The following UBE3D variants were observed in gnomAD, a reference collection of about 807,000 sequenced individuals.
UBE3D encodes ubiquitin protein ligase E3D, also known as E3 ubiquitin-protein ligase E3D.
In UBE3D, 48 loss-of-function variants were observed where a neutral mutation model predicts 49.6. That is an observed-to-expected ratio of 0.97 (90% CI 0.77 to 1.23). The LOEUF is 1.23. Ranked by LOEUF, UBE3D falls within the 50% of genes most tolerant of loss-of-function variation. UBE3D has a pLI of 0.00. For missense variants in UBE3D, 452 were observed against 468.4 expected, an observed-to-expected ratio of 0.96 and a Z score of 0.32; for synonymous variants, 189 against 174.2, an observed-to-expected ratio of 1.08 and a Z score of -0.67.
intron 4 of UBE3D, among the ~76,000 whole-genome samples, chr6:83,039,221 G>A (rs917472721): frequency 5.9e-5 from 9 of 152,224 alleles, no homozygotes; most frequent in African/African-American, 2.2e-4. Flanking sequence ...CAAGGCAGAA[G>A]CCATATACAG....
chr6:83,025,882 T>TAAAAAAAAAAA (rs70987730), intron 5 of UBE3D, among the ~76,000 whole-genome samples: 1 of 90,338 alleles, frequency 1.1e-5, no homozygotes, highest in East Asian at 3.2e-4. Context: ...GACTCCATCT[T>TAAAAAAAAAAA]AAAAAAAAAA....
chr6:83,063,137 G>A, intron 1 of UBE3D: 2 of 271,888 alleles, frequency 7.4e-6, no homozygotes, highest in South Asian at 3.1e-5. Flanking sequence ...ACGAGGCAGG[G>A]CATGGTGGCT....
chr6:82,947,102 G>C (rs1775461933), intron 9 of UBE3D, among the ~76,000 whole-genome samples: 1 of 151,614 alleles, frequency 6.6e-6, no homozygotes, highest in Admixed American at 6.6e-5. Flanking sequence ...TAAAAAGATG[G>C]AAAAATATAT....
intron 1 of UBE3D, among the ~76,000 whole-genome samples, chr6:83,062,554 A>G (rs2127861112): frequency 2.6e-5 from 4 of 152,352 alleles, no homozygotes; most frequent in South Asian, 2.1e-4. Context: ...CATAGCAGTT[A>G]GGAACAAGAA....
At chr6:83,049,018 T>G (rs1333270757) in intron 3 of UBE3D, among the ~76,000 whole-genome samples, 2 of 152,160 alleles carry the variant, frequency 1.3e-5, no homozygotes, top group African/African-American at 2.4e-5. Context: ...TAAATTAAAA[T>G]TTCCTAGTTA....
rs750596036 is a variant in UBE3D at position 82,892,993 on chromosome 6, C to T, written c.*29G>A. On this transcript the variant is annotated 3_prime_UTR_variant, in exon 10 of 10. Transcript: ENST00000369747. The stretch of plus-strand genomic sequence containing the variant: ...GTGCTCCTGCTTGAGAGCTGTCTGC[C>T]GGGGGAGGAGAATGCCCAGCTCTAA... 1.1e-5 allele frequency: 18 copies of T among 1,613,306 alleles called. No homozygotes were observed. The highest frequency in any genetic ancestry group is 1.6e-4 in the Middle Eastern group (1 of 6,082).
chr6:83,038,027 T>C (rs1782388171), intron 5 of UBE3D: 1 of 150,846 alleles, frequency 6.6e-6, no homozygotes. Flanking sequence ...AAGCTCTGTT[T>C]CGTGAGTTAC....
At chr6:82,901,738 C>T (rs1388484111) in intron 9 of UBE3D, among the ~76,000 whole-genome samples, 2 of 152,152 alleles carry the variant, frequency 1.3e-5, no homozygotes, top group Non-Finnish European at 2.9e-5. Context: ...TTTCAAAAAA[C>T]ATCTGTTTCC....
chr6:82,911,223 A>AAAAAC (rs1772496649), intron 9 of UBE3D, among the ~76,000 whole-genome samples: 3 of 149,358 alleles, frequency 2.0e-5, no homozygotes, highest in African/African-American at 2.5e-5. Context: ...AAAAAAAAAA[A>AAAAAC]CTCAGGGGGG....
chr6:82,892,883 A>T lies in UBE3D; in HGVS notation c.*139T>A. 3 of 1,019,440 alleles carry T rather than the reference A, an allele frequency of 2.9e-6. No homozygotes were observed. Among genetic ancestry groups the T allele is most frequent in the Non-Finnish European group, 4.6e-6 (3 of 654,428 alleles). 63.1% of individuals were successfully genotyped at this position (1,019,440 alleles called of 1,614,324 possible). Reference sequence around the variant, plus strand: ...AGAATACATGCAAACAAGTAAACTTAAAACTTCAATGCAATGCTCTTATCC... The same window carrying T: ...AGAATACATGCAAACAAGTAAACTTTAAACTTCAATGCAATGCTCTTATCC... On this transcript the variant is annotated 3_prime_UTR_variant, in exon 10 of 10. Coordinates refer to ENST00000369747, the MANE Select transcript of UBE3D (RefSeq NM_198920.3).
intron 5 of UBE3D, among the ~76,000 whole-genome samples, chr6:83,033,504 A>C (rs1782027088): frequency 6.6e-6 from 1 of 152,060 alleles, no homozygotes; most frequent in Non-Finnish European, 1.5e-5. Flanking sequence ...TGGGTCCTTC[A>C]TGAATGGTTT....
At chr6:82,974,096 CA>C (rs1161701296) in intron 8 of UBE3D, among the ~76,000 whole-genome samples, 1 of 152,116 alleles carries the variant, frequency 6.6e-6, no homozygotes, top group Non-Finnish European at 1.5e-5. Context: ...TAGGTTGATG[CA>C]AAAGTAATTG....
intron 3 of UBE3D, among the ~76,000 whole-genome samples, chr6:83,047,163 T>C (rs1783115524): frequency 1.3e-5 from 2 of 152,196 alleles, no homozygotes; most frequent in South Asian, 4.1e-4. Context: ...CCTTTTCCCT[T>C]GCTGCTTGAG....
the UBE3D span, among the ~76,000 whole-genome samples, chr6:82,881,437 G>T: frequency 1.3e-5 from 2 of 152,178 alleles, no homozygotes; most frequent in African/African-American, 2.4e-5. Context: ...GCTGTACCTT[G>T]ATTCCAAGGG....
chr6:82,911,213 A>AAAAAC (rs1772490252), intron 9 of UBE3D, among the ~76,000 whole-genome samples: 1 of 150,144 alleles, frequency 6.7e-6, no homozygotes, highest in Non-Finnish European at 1.5e-5. Context: ...AAAAAAAAAA[A>AAAAAC]AAAAAAAAAA....
At chr6:82,947,528 T>C (rs1389807152) in intron 9 of UBE3D, among the ~76,000 whole-genome samples, 1 of 151,960 alleles carries the variant, frequency 6.6e-6, no homozygotes, top group Non-Finnish European at 1.5e-5. Flanking sequence ...TCTTTTCTTT[T>C]CTTTTTCTTG....
chr6:82,910,053 T>G (rs528909114), intron 9 of UBE3D, among the ~76,000 whole-genome samples: 1 of 152,322 alleles, frequency 6.6e-6, no homozygotes, highest in Non-Finnish European at 1.5e-5. Context: ...CGAAAGCTAC[T>G]TCTTAGACTG....
At chr6:83,023,314 CTT>C (rs904017946) in intron 6 of UBE3D, among the ~76,000 whole-genome samples, 3 of 152,080 alleles carry the variant, frequency 2.0e-5, no homozygotes, top group African/African-American at 7.2e-5. Flanking sequence ...GCATAGAAAA[CTT>C]TCAGAATTAG....
chr6:82,965,237 CTTGT>C (rs1776828224), intron 8 of UBE3D, among the ~76,000 whole-genome samples: 1 of 152,108 alleles, frequency 6.6e-6, no homozygotes, highest in East Asian at 1.9e-4. Context: ...TTTATAAATG[CTTGT>C]ATCATTGCAA....
Sources: gnomAD v4.1 joint callset for allele counts (sites outside exome capture counted in the v4.1 genomes callset) on GRCh38, gnomAD v4.1.1 for gene constraint, MANE v1.5 for transcripts, NCBI Gene and HGNC (gene_info 2026-07-23, HGNC 2026-07-21) for gene names.